The following SMN2 variants were observed in gnomAD, a reference collection of about 807,000 sequenced individuals.
The protein encoded by SMN2 is survival of motor neuron 2, centromeric.
In SMN2, 1 loss-of-function variant was observed where a neutral mutation model predicts 2.8. That is an observed-to-expected ratio of 0.35 (90% CI 0.13 to 1.68). The LOEUF is 1.68. Ranked by LOEUF, SMN2 falls within the 40% of genes most tolerant of loss-of-function variation. The pLI is 0.35. For missense variants in SMN2, 12 were observed against 16.9 expected (o/e 0.71, Z 0.51); for synonymous variants, 5 against 5.0 (o/e 0.99, Z 0.01).
downstream of SMN2, among the ~76,000 whole-genome samples, chr5:70,079,232 A>G (rs865806896): frequency 1.8e-3 from 257 of 140,162 alleles, 1 homozygote; most frequent in Middle Eastern, 7.2e-3. Context: ...CAGGAGTTCC[A>G]GACCAGCCTG....
intron 6 of SMN2, among the ~76,000 whole-genome samples, chr5:70,070,116 T>G (rs1774546725): frequency 7.8e-6 from 1 of 127,696 alleles, no homozygotes; most frequent in Non-Finnish European, 1.6e-5. Flanking sequence ...CCAAGACATT[T>G]ACTTAAAATC....
downstream of SMN2, among the ~76,000 whole-genome samples, chr5:70,080,159 C>A (rs1774835804): frequency 8.4e-6 from 1 of 118,452 alleles, no homozygotes; most frequent in South Asian, 2.7e-4. Flanking sequence ...AACCCCATCT[C>A]TACTAAAAAT....
chr5:70,084,670 T>C, the SMN2 span, among the ~76,000 whole-genome samples: 1 of 138,342 alleles, frequency 7.2e-6, no homozygotes, highest in Non-Finnish European at 1.5e-5. Context: ...TTTATCTTAT[T>C]GTGAAGTTCA....
At chr5:70,052,186 A>G (rs1774454880) in intron 1 of SMN2, among the ~76,000 whole-genome samples, 1 of 139,326 alleles carries the variant, frequency 7.2e-6, no homozygotes, top group Non-Finnish European at 1.6e-5. Flanking sequence ...GTGAGACTTC[A>G]CCTCAAAAAA....
downstream of SMN2, among the ~76,000 whole-genome samples, chr5:70,079,717 C>T (rs1222214762): frequency 3.7e-5 from 5 of 135,118 alleles, no homozygotes; most frequent in East Asian, 1.1e-3. Context: ...CGTGTTCACA[C>T]CATTGCACTT....
At chr5:70,085,100 G>A in the SMN2 span, among the ~76,000 whole-genome samples, 1 of 131,970 alleles carries the variant, frequency 7.6e-6, no homozygotes, top group Non-Finnish European at 1.6e-5. Flanking sequence ...CCCAAGCATT[G>A]TGCTGAAGTG....
At chr5:70,082,120 T>A (rs563312430), downstream of SMN2, among the ~76,000 whole-genome samples, 1 of 133,112 alleles carries the variant, frequency 7.5e-6, no homozygotes, top group South Asian at 2.3e-4. Flanking sequence ...ATTGAGATAA[T>A]CATGTGGTTT....
downstream of SMN2, among the ~76,000 whole-genome samples, chr5:70,080,284 T>C (rs1774837723): frequency 7.3e-6 from 1 of 136,304 alleles, no homozygotes; most frequent in Admixed American, 7.4e-5. Flanking sequence ...TGAGCCAAGA[T>C]CGTGCCACTA....
At chr5:70,052,175 A>G (rs1243837192) in intron 1 of SMN2, among the ~76,000 whole-genome samples, 1 of 136,938 alleles carries the variant, frequency 7.3e-6, no homozygotes, top group Non-Finnish European at 1.6e-5. Context: ...TGGACGATAT[A>G]GTGAGACTTC....
intron 7 of SMN2, among the ~76,000 whole-genome samples, chr5:70,074,680 C>T (rs1580732442): frequency 8.3e-6 from 1 of 119,940 alleles, no homozygotes; most frequent in East Asian, 2.4e-4. Context: ...GGCTCAGGAA[C>T]ATCATTGGAC....
chr5:70,077,860 G>A (rs1342659036), downstream of SMN2: 1 of 133,714 alleles, frequency 7.5e-6, no homozygotes, highest in Non-Finnish European at 1.5e-5. Flanking sequence ...CCTCACCCAC[G>A]TGAGTAGTTG....
chr5:70,088,410 G>A, the SMN2 span, among the ~76,000 whole-genome samples: 2 of 106,928 alleles, frequency 1.9e-5, no homozygotes, highest in Non-Finnish European at 3.7e-5. Flanking sequence ...AGGAAAATGA[G>A]GGTAAGTTTC....
intron 7 of SMN2, among the ~76,000 whole-genome samples, chr5:70,075,985 C>T (rs1439824747): frequency 1.6e-5 from 2 of 126,414 alleles, no homozygotes; most frequent in Non-Finnish European, 3.3e-5. Flanking sequence ...TCCCAAGTAG[C>T]TGGGATTAGA....
At chr5:70,079,598 C>T (rs212210), downstream of SMN2, among the ~76,000 whole-genome samples, 2 of 95,902 alleles carry the variant, frequency 2.1e-5, no homozygotes, top group Non-Finnish European at 4.3e-5. Context: ...CTCTACAAAA[C>T]ATGAAAGAAT....
Position 70,076,523 on chromosome 5 carries a change from T to G in SMN2, c.837T>G (p.Gly279=). 1 of 1,463,308 alleles carries G rather than the reference T, an allele frequency of 6.8e-7. No homozygotes were observed. The highest frequency in any genetic ancestry group is 2.4e-5 in the East Asian group (1 of 42,272). 90.6% of individuals were successfully genotyped at this position (1,463,308 alleles called of 1,614,324 possible). The change falls in exon 8 of 9, where the codon GGT becomes GGG. Residue 279 remains glycine (G), a splice_region_variant and synonymous_variant. Transcript: ENST00000380743. ...AACTTCCTTTATTTTCCTTACAGGG[T>G]TTTAGACAAAATCAAAAAGAAGGAA... ...MSGYHTGYYM[G]FRQNQKEGRC... is the part of the protein sequence containing the mutation.
At chr5:70,076,468 G>T in intron 7 of SMN2, 53 bp from the exon 8 acceptor site, 1 of 1,189,670 alleles carries the variant, frequency 8.4e-7, no homozygotes, top group Non-Finnish European at 1.2e-6. Context: ...TCTATATATA[G>T]CTATCTATAT....
chr5:70,083,426 A>G (rs1742062371), downstream of SMN2, among the ~76,000 whole-genome samples: 1 of 136,340 alleles, frequency 7.3e-6, no homozygotes, highest in African/African-American at 3.1e-5. Context: ...TAGAAATACC[A>G]TTTGACCCAG....
Position 70,076,593 on chromosome 5 carries a change from T to C in SMN2, c.*3+19T>C. 2 of 1,436,842 alleles carry C rather than the reference T, an allele frequency of 1.4e-6. 1 individual carries two copies. The highest frequency in any genetic ancestry group is 3.6e-4 in the Middle Eastern group (2 of 5,610). 89.0% of individuals were successfully genotyped at this position (1,436,842 alleles called of 1,614,324 possible). A position where few individuals can be genotyped will look rare whatever the true frequency, so the allele number is the denominator to read the frequency against. Reference sequence around the variant, plus strand: ...TTAAGGAGTAAGTCTGCCAGCATTATGAAAGTGAATCTTACTTTTGTAAAA... The same window carrying C: ...TTAAGGAGTAAGTCTGCCAGCATTACGAAAGTGAATCTTACTTTTGTAAAA... On this transcript the variant is annotated intron_variant, in intron 8 of 8. Coordinates refer to ENST00000380743, the MANE Select transcript of SMN2 (RefSeq NM_017411.4).
chr5:70,085,422 T>C, the SMN2 span, among the ~76,000 whole-genome samples: 1 of 131,900 alleles, frequency 7.6e-6, no homozygotes. Context: ...TTTGTATTTT[T>C]AGTAGAGGTG....
Sources: allele counts gnomAD v4.1 joint callset (sites outside exome capture counted in the v4.1 genomes callset), GRCh38; gene constraint gnomAD v4.1.1; transcripts MANE v1.5; gene names NCBI Gene and HGNC (gene_info 2026-07-23, HGNC 2026-07-21).